ARL15: variants seen among roughly 807,000 people sequenced by gnomAD.
The protein encoded by ARL15 is ARF like GTPase 15.
In ARL15, 19 loss-of-function variants were observed where a neutral mutation model predicts 25.2. The observed-to-expected ratio is 0.75, with a 90% confidence interval of 0.53 to 1.10. The LOEUF (loss-of-function observed/expected upper bound fraction) is 1.10. Ranked by LOEUF, ARL15 falls within the 50% of genes least tolerant of loss-of-function variation. ARL15 has a pLI of 0.00. For missense variants in ARL15, 220 were observed against 246.0 expected, an observed-to-expected ratio of 0.89 and a Z score of 0.71; for synonymous variants, 94 against 86.8, an observed-to-expected ratio of 1.08 and a Z score of -0.46.
chr5:53,968,789 G>A (rs1029358806), intron 4 of ARL15, among the ~76,000 whole-genome samples: 3 of 151,898 alleles, frequency 2.0e-5, no homozygotes, highest in East Asian at 2.0e-4. Flanking sequence ...GATTACAGGC[G>A]TGAGCCACCG....
chr5:53,890,736 G>A lies in ARL15; in HGVS notation c.463-4023C>T, dbSNP rs116607375. Reference sequence around the variant, plus strand: ...GCCTTTCTCCACTCATGCCACTGCCGGCTGATTGGCATGACTGCGTTCCAT... The same window carrying A: ...GCCTTTCTCCACTCATGCCACTGCCAGCTGATTGGCATGACTGCGTTCCAT... On this transcript the variant is annotated intron_variant, in intron 4 of 4. Coordinates refer to ENST00000504924, the MANE Select transcript of ARL15 (RefSeq NM_019087.3). Among the ~76,000 whole-genome samples, 1,203 of 152,232 alleles carry A rather than the reference G, an allele frequency of 7.9e-3. 18 individuals carry two copies. Among genetic ancestry groups the A allele is most frequent in the African/African-American group, 0.027 (1,123 of 41,536 alleles).
chr5:54,087,077 C>T lies in ARL15; in HGVS notation c.462+26125G>A, dbSNP rs756251521. ...AGTCACTGGGCGTGGTGGCTCACGC[C>T]TGTAATCGCAGCACTTTGAGAGGTC... is the stretch of plus-strand genomic sequence containing the variant. On this transcript the variant is annotated intron_variant, in intron 4 of 4. Transcript: ENST00000504924. Among the ~76,000 whole-genome samples, 60 of 152,260 alleles carry T rather than the reference C, an allele frequency of 3.9e-4. 1 individual carries two copies. Among genetic ancestry groups the T allele is most frequent in the Non-Finnish European group, 5.0e-4 (34 of 68,018 alleles).
chr5:54,026,046 T>C (rs1008757835), intron 4 of ARL15, among the ~76,000 whole-genome samples: 3 of 152,234 alleles, frequency 2.0e-5, no homozygotes, highest in Admixed American at 6.5e-5. Context: ...TGACCATTTA[T>C]CAAAGAAGTA....
At chr5:53,890,147 A>C (rs974181292) in intron 4 of ARL15, among the ~76,000 whole-genome samples, 1 of 152,130 alleles carries the variant, frequency 6.6e-6, no homozygotes, top group African/African-American at 2.4e-5. Flanking sequence ...TCTTATATCA[A>C]TCTGAAATTC....
chr5:54,108,376 G>A (rs561681354), intron 4 of ARL15, among the ~76,000 whole-genome samples: 3 of 152,064 alleles, frequency 2.0e-5, no homozygotes, highest in Admixed American at 1.3e-4. Flanking sequence ...CACACCATAG[G>A]TATGTACACT....
intron 1 of ARL15, among the ~76,000 whole-genome samples, chr5:54,302,158 G>C (rs988695750): frequency 6.6e-6 from 1 of 152,176 alleles, no homozygotes; most frequent in Admixed American, 6.5e-5. Flanking sequence ...CAGGCAACCA[G>C]GTGACAGAAA....
chr5:54,151,860 C>T (rs1017535458), intron 3 of ARL15, among the ~76,000 whole-genome samples: 1 of 152,024 alleles, frequency 6.6e-6, no homozygotes, highest in Non-Finnish European at 1.5e-5. Context: ...AGAATTTTAA[C>T]TTAAGACTGG....
chr5:54,030,634 C>G (rs1749951241), intron 4 of ARL15, among the ~76,000 whole-genome samples: 1 of 152,130 alleles, frequency 6.6e-6, no homozygotes, highest in African/African-American at 2.4e-5. Flanking sequence ...GTGAGTTTGG[C>G]TTGTGCCAAG....
chr5:54,287,917 C>G (rs1003344002), intron 1 of ARL15, among the ~76,000 whole-genome samples: 3 of 152,122 alleles, frequency 2.0e-5, no homozygotes, highest in African/African-American at 7.2e-5. Context: ...TTCTTTTTCT[C>G]CCAAATTTGA....
At chr5:53,939,015 A>C (rs1746442479) in intron 4 of ARL15, among the ~76,000 whole-genome samples, 1 of 152,232 alleles carries the variant, frequency 6.6e-6, no homozygotes, top group African/African-American at 2.4e-5. Flanking sequence ...TGAAATCAAC[A>C]AACAATCCAT....
chr5:53,929,132 C>T (rs1276801030), intron 4 of ARL15, among the ~76,000 whole-genome samples: 1 of 148,174 alleles, frequency 6.7e-6, no homozygotes, highest in Non-Finnish European at 1.5e-5. Flanking sequence ...CCATCTAACT[C>T]TTTGTTTAGA....
chr5:53,951,420 T>C (rs964591026), intron 4 of ARL15: 18 of 451,512 alleles, frequency 4.0e-5, no homozygotes, highest in African/African-American at 3.7e-4. Context: ...CAGATTGCTA[T>C]AAATTTCCTA....
chr5:53,929,963 T>C (rs949759942), intron 4 of ARL15, among the ~76,000 whole-genome samples: 2 of 152,068 alleles, frequency 1.3e-5, no homozygotes, highest in African/African-American at 4.8e-5. Context: ...GAGGGGCTGA[T>C]CATTTATTAT....
chr5:54,184,175 A>C (rs1174341243), intron 1 of ARL15, among the ~76,000 whole-genome samples: 1 of 136,110 alleles, frequency 7.3e-6, no homozygotes, highest in Non-Finnish European at 1.6e-5. Context: ...GGTGCAGCAC[A>C]CCAGCATGGC....
rs1024005984 is a variant in ARL15 at position 54,157,769 on chromosome 5, T to A, written c.194-3130A>T. ...CCCGACAAAATAGTCGTAAATGTTT[T>A]CTCCAAATAGAACTTGTGTGGTTAG... is the stretch of plus-strand genomic sequence containing the variant. On this transcript the variant is annotated intron_variant, in intron 2 of 4. Transcript: ENST00000504924. Among the ~76,000 whole-genome samples the A allele has an allele frequency of 3.3e-5, 5 of 152,314 alleles. No homozygotes were observed. The East Asian group carries it at 7.7e-4, about 24-fold the overall frequency.
At chr5:54,027,978 G>A (rs1005967644) in intron 4 of ARL15, among the ~76,000 whole-genome samples, 1 of 151,834 alleles carries the variant, frequency 6.6e-6, no homozygotes, top group Non-Finnish European at 1.5e-5. Context: ...GTGCAGAGGC[G>A]TGATCGTGGC....
rs561226635 is a variant in ARL15 at position 54,234,849 on chromosome 5, T to C, written c.49-62921A>G. The stretch of plus-strand genomic sequence containing the variant: ...AAATTCAGATTATAAAATAATAATA[T>C]ATGAGCATAGGGAAATTAATTTTAA... On this transcript the variant is annotated intron_variant, in intron 1 of 4. Transcript: ENST00000504924. Among the ~76,000 whole-genome samples, 11 of 152,304 alleles carry C rather than the reference T, an allele frequency of 7.2e-5. No homozygotes were observed. The South Asian group carries it at 1.0e-3, about 14-fold the overall frequency.
chr5:54,304,709 G>A (rs952502177), intron 1 of ARL15, among the ~76,000 whole-genome samples: 1 of 152,100 alleles, frequency 6.6e-6, no homozygotes, highest in African/African-American at 2.4e-5. Flanking sequence ...ATTAAGAAAG[G>A]AATATTTAAT....
At chr5:54,120,935 T>G (rs563634849) in intron 3 of ARL15, among the ~76,000 whole-genome samples, 2 of 152,304 alleles carry the variant, frequency 1.3e-5, no homozygotes, top group South Asian at 4.1e-4. Context: ...CCAACCAGTA[T>G]TTTTTCTTTT....
Sources: allele counts gnomAD v4.1 joint callset (sites outside exome capture counted in the v4.1 genomes callset), GRCh38; gene constraint gnomAD v4.1.1; transcripts MANE v1.5; gene names NCBI Gene and HGNC (gene_info 2026-07-23, HGNC 2026-07-21).